CAGE1: variants seen among roughly 807,000 people sequenced by gnomAD.
CAGE1 encodes the protein cancer-associated gene 1 protein.
CAGE1 carries 66 observed loss-of-function variants against 94.9 expected under a neutral mutation model. The ratio of observed to expected loss-of-function variants is 0.70; its 90% CI spans 0.57 to 0.85. The LOEUF is 0.85. Among genes scored for constraint, CAGE1 ranks in the 40% least tolerant of loss-of-function variants. The probability of loss-of-function intolerance (pLI) is 0.00; values close to 1 mark genes in which losing one functional copy is unlikely to be tolerated. For synonymous variants in CAGE1, 319 were observed against 321.0 expected (o/e 0.99, Z 0.07); for missense variants, 865 against 950.4 (o/e 0.91, Z 1.18).
chr6:7,332,580 A>G (rs1487759785), intron 12 of CAGE1, among the ~76,000 whole-genome samples: 1 of 152,222 alleles, frequency 6.6e-6, no homozygotes, highest in African/African-American at 2.4e-5. Context: ...TTTCTTAGGC[A>G]TGAATGAATC....
At chr6:7,332,922 C>A (rs1215562976) in intron 12 of CAGE1, among the ~76,000 whole-genome samples, 1 of 152,238 alleles carries the variant, frequency 6.6e-6, no homozygotes, top group East Asian at 1.9e-4. Flanking sequence ...GAAAGAGTCT[C>A]ATTTTAACAT....
At chr6:7,358,063 TA>T (rs1561858166) in intron 9 of CAGE1, among the ~76,000 whole-genome samples, 4 of 116,204 alleles carry the variant, frequency 3.4e-5, no homozygotes, top group African/African-American at 1.0e-4. Context: ...TATATATATA[TA>T]TATATATGCC....
chr6:7,374,495 C>A (rs1418679282), intron 4 of CAGE1, among the ~76,000 whole-genome samples: 3 of 151,364 alleles, frequency 2.0e-5, no homozygotes, highest in African/African-American at 7.3e-5. Context: ...TAAATTCAGA[C>A]AAATAAATGT....
chr6:7,350,980 T>A (rs1759747200), intron 11 of CAGE1, among the ~76,000 whole-genome samples: 1 of 152,114 alleles, frequency 6.6e-6, no homozygotes, highest in East Asian at 1.9e-4. Flanking sequence ...AAGCTGGTTC[T>A]TTGAAAAGAT....
chr6:7,345,092 A>G (rs1289977077), intron 11 of CAGE1, among the ~76,000 whole-genome samples: 3 of 152,202 alleles, frequency 2.0e-5, no homozygotes, highest in South Asian at 2.1e-4. Flanking sequence ...ACCCTGCAGT[A>G]AATCTTAACT....
At chr6:7,369,248 T>A (rs966748737) in intron 6 of CAGE1, among the ~76,000 whole-genome samples, 1 of 152,296 alleles carries the variant, frequency 6.6e-6, no homozygotes, top group South Asian at 2.1e-4. Context: ...CCTCAGGTGA[T>A]CTGCCCGCCT....
rs770500142 is a variant in CAGE1 at position 7,374,128 on chromosome 6, C to A, written c.691G>T (p.Ala231Ser). The change falls in exon 5 of 14, where the codon GCA becomes TCA. Residue 231 changes from alanine to serine, a missense_variant. By Grantham distance (99) the Ala-to-Ser change is moderately conservative. Transcript: ENST00000502583. ...SQPPSFLCKTAVPSKEIQNYG... is the reference protein window; with the variant it reads ...SQPPSFLCKTSVPSKEIQNYG... ...TTCTGTATTTCTTTTGAAGGAACTGCAGTCTGTAAATTATAGTAAACAAAG... is the reference window on the plus strand; with the variant it reads ...TTCTGTATTTCTTTTGAAGGAACTGAAGTCTGTAAATTATAGTAAACAAAG... 1 of 1,608,376 alleles carries A rather than the reference C, an allele frequency of 6.2e-7. No homozygotes were observed. The highest frequency in any genetic ancestry group is 1.3e-5 in the African/African-American group (1 of 74,884).
chr6:7,340,745 T>C (rs1759135654), intron 11 of CAGE1: 1 of 279,198 alleles, frequency 3.6e-6, no homozygotes, highest in Non-Finnish European at 6.9e-6. Context: ...GGGGCTGACA[T>C]TAGGGGGTCC....
At chr6:7,388,409 A>G (rs368717997) in intron 1 of CAGE1, among the ~76,000 whole-genome samples, 232 of 152,300 alleles carry the variant, frequency 1.5e-3, no homozygotes, top group Middle Eastern at 0.014. Context: ...CTAAATCTCT[A>G]TCTTACAATT....
intron 13 of CAGE1, chr6:7,329,025 G>A (rs1052731000): frequency 1.5e-5 from 3 of 198,896 alleles, no homozygotes; most frequent in Non-Finnish European, 3.0e-5. Context: ...TCCGCCTCTT[G>A]GATTCAAGCT....
chr6:7,356,733 A>T (rs142565467), intron 9 of CAGE1, among the ~76,000 whole-genome samples: 4 of 152,338 alleles, frequency 2.6e-5, no homozygotes, highest in African/African-American at 7.2e-5. Context: ...TTTTCAAAGC[A>T]ATTATAGAAG....
intron 11 of CAGE1, among the ~76,000 whole-genome samples, chr6:7,345,233 C>T (rs186597431): frequency 6.7e-6 from 1 of 148,758 alleles, no homozygotes; most frequent in Non-Finnish European, 1.5e-5. Context: ...TACCAGCCTA[C>T]CAAGAAGAAG....
intron 9 of CAGE1, among the ~76,000 whole-genome samples, chr6:7,359,337 T>A (rs565544448): frequency 6.6e-6 from 1 of 152,304 alleles, no homozygotes; most frequent in African/African-American, 2.4e-5. Context: ...GTGAGCCACC[T>A]TGCCTGGCCT....
chr6:7,331,474 C>T (rs1329865380), intron 12 of CAGE1: 2 of 454,220 alleles, frequency 4.4e-6, no homozygotes, highest in African/African-American at 4.1e-5. Flanking sequence ...CCTAATGTTG[C>T]AGTGCCTGCA....
At chr6:7,345,785 C>T (rs1024890796) in intron 11 of CAGE1, among the ~76,000 whole-genome samples, 11 of 151,928 alleles carry the variant, frequency 7.2e-5, no homozygotes, top group African/African-American at 1.9e-4. Flanking sequence ...ATTAGCTGGG[C>T]GTCGTGGCAG....
chr6:7,344,365 G>C, intron 11 of CAGE1, among the ~76,000 whole-genome samples: 1 of 152,268 alleles, frequency 6.6e-6, no homozygotes. Context: ...ACCCGGGCCA[G>C]CGGCTGCAGA....
At chr6:7,363,149 A>G (rs1760216320) in intron 9 of CAGE1, among the ~76,000 whole-genome samples, 1 of 152,156 alleles carries the variant, frequency 6.6e-6, no homozygotes, top group Non-Finnish European at 1.5e-5. Flanking sequence ...GGGTGCTTGT[A>G]ATCCCAGCTA....
chr6:7,358,433 A>C (rs1038569062), intron 9 of CAGE1, among the ~76,000 whole-genome samples: 2 of 152,076 alleles, frequency 1.3e-5, no homozygotes, highest in Admixed American at 6.6e-5. Flanking sequence ...TTACCCATTC[A>C]CCTGTAGACA....
rs551044708 is a variant in CAGE1 at position 7,361,533 on chromosome 6, T to C, written c.2193+3935A>G. Reference sequence around the variant, plus strand: ...CCATCAAGATGTAAAATGTATTTTTTCTAAACTGAGGATTACTACTAGAGG... The same window carrying C: ...CCATCAAGATGTAAAATGTATTTTTCCTAAACTGAGGATTACTACTAGAGG... On this transcript the variant is annotated intron_variant, in intron 9 of 13. Transcript: ENST00000502583. Among the ~76,000 whole-genome samples the C allele has an allele frequency of 2.0e-5, 3 of 152,300 alleles. No individual in the cohort carries two copies. The South Asian group carries it at 6.2e-4, about 32-fold the overall frequency.
Sources: allele counts gnomAD v4.1 joint callset (sites outside exome capture counted in the v4.1 genomes callset), GRCh38; gene constraint gnomAD v4.1.1; transcripts MANE v1.5; gene names NCBI Gene and HGNC (gene_info 2026-07-23, HGNC 2026-07-21).